Variants in ARHGEF10L observed in about 807,000 individuals in gnomAD.
ARHGEF10L encodes the protein Rho guanine nucleotide exchange factor 10 like.
A neutral mutation model predicts 141.2 loss-of-function variants in ARHGEF10L; 69 were observed. The observed-to-expected ratio is 0.49, with a 90% CI of 0.40 to 0.60. ARHGEF10L has a LOEUF of 0.60. Among genes scored for constraint, ARHGEF10L ranks in the 20% least tolerant of loss-of-function variants. The pLI is 0.00. For synonymous variants in ARHGEF10L, 711 were observed against 718.5 expected (o/e 0.99, Z 0.17); for missense variants, 1,482 against 1,734.3 (o/e 0.85, Z 2.58).
intron 1 of ARHGEF10L, among the ~76,000 whole-genome samples, chr1:17,542,419 A>G (rs927458703): frequency 1.7e-4 from 26 of 152,220 alleles, no homozygotes; most frequent in African/African-American, 6.3e-4. Context: ...ACCGTACTAC[A>G]GCTTAAGTGA....
In ARHGEF10L at chr1:17,576,559, T is replaced by G. The variant is rs77681099; in HGVS notation, c.-43-3994T>G. On this transcript the variant is annotated intron_variant, in intron 1 of 28. Coordinates refer to ENST00000361221, the MANE Select transcript of ARHGEF10L (RefSeq NM_018125.4). ...TGTTCCTTGGGTTTGGTGGTCATTG[T>G]TAAAAAGGTGACCTCCAAGAGAAAA... Among the ~76,000 whole-genome samples, 968 of 152,186 alleles carry G rather than the reference T, an allele frequency of 6.4e-3. 9 individuals are homozygous for G. Among genetic ancestry groups the G allele is most frequent in the African/African-American group, 0.022 (932 of 41,518 alleles).
In ARHGEF10L at chr1:17,655,908, C is replaced by G. The variant is rs766606377; in HGVS notation, c.2511C>G (p.Gly837=). The change falls in exon 24 of 29, where the codon GGC becomes GGG. Residue 837 remains glycine, a synonymous_variant. Transcript: ENST00000361221. ...WVGGGQEGAG[G]QVEIFSLNRP... is the part of the protein sequence containing the mutation. ...GGGGCGGACAGGAAGGCGCAGGGGG[C>G]CAGGTGGAAATCTTTTCCTTGAACC... The G allele has an allele frequency of 5.8e-6, 9 of 1,555,658 alleles. No homozygotes were observed. In the East Asian group the frequency reaches 2.1e-4, roughly 37 times the overall value.
chr1:17,634,698 C>G, intron 17 of ARHGEF10L, 136 bp downstream of exon 17: 1 of 1,462,480 alleles, frequency 6.8e-7, no homozygotes, highest in Non-Finnish European at 9.2e-7. Context: ...CTCTGCCTGG[C>G]TTGGTTTTGG....
chr1:17,622,339 G>A (rs1028629418), intron 11 of ARHGEF10L, among the ~76,000 whole-genome samples: 1 of 152,150 alleles, frequency 6.6e-6, no homozygotes, highest in Non-Finnish European at 1.5e-5. Context: ...ATCGAGAGGA[G>A]TAGGATCGAG....
Position 17,627,951 on chromosome 1 carries a change from T to C in ARHGEF10L, c.1584+448T>C, listed in dbSNP as rs1011756338. On this transcript the variant is annotated intron_variant, in intron 15 of 28. Coordinates refer to ENST00000361221, the MANE Select transcript of ARHGEF10L (RefSeq NM_018125.4). The surrounding 1 kb of genome is among the most constrained non-coding windows in gnomAD (Gnocchi z 4.0). ...GCCGCAAAAGAGGGAGCTGGCAAAGTGGCTTCGTGATTGTCCTTAACACAA... is the reference window on the plus strand; with the variant it reads ...GCCGCAAAAGAGGGAGCTGGCAAAGCGGCTTCGTGATTGTCCTTAACACAA... 1.3e-5 allele frequency among the ~76,000 whole-genome samples: 2 copies of C among 151,832 alleles called. No individual in the cohort carries two copies. Among genetic ancestry groups the C allele is most frequent in the Non-Finnish European group, 2.9e-5 (2 of 67,978 alleles).
At chr1:17,683,555 A>G (rs2064318406) in intron 26 of ARHGEF10L, among the ~76,000 whole-genome samples, 4 of 152,196 alleles carry the variant, frequency 2.6e-5, no homozygotes, top group Admixed American at 2.6e-4. Flanking sequence ...AGGCTCAGGC[A>G]GGACTCCAGG....
At chr1:17,618,283 C>A in intron 9 of ARHGEF10L, 1 of 1,444,656 alleles carries the variant, frequency 6.9e-7, no homozygotes, top group South Asian at 1.4e-5. Context: ...AAGCCCAGCG[C>A]CTTCCTGAAG....
chr1:17,685,037 C>G (rs1414466875), intron 26 of ARHGEF10L, among the ~76,000 whole-genome samples: 1 of 152,212 alleles, frequency 6.6e-6, no homozygotes, highest in Admixed American at 6.5e-5. Context: ...CCGCCCCTCA[C>G]AAGCTTCCTT....
intron 1 of ARHGEF10L, among the ~76,000 whole-genome samples, chr1:17,547,624 A>T (rs1355695008): frequency 2.6e-5 from 4 of 152,216 alleles, no homozygotes; most frequent in African/African-American, 7.2e-5. Flanking sequence ...TAAGTAGGAA[A>T]ATAACAGTCT....
chr1:17,602,911 G>A (rs1034740451), intron 5 of ARHGEF10L, among the ~76,000 whole-genome samples: 3 of 152,076 alleles, frequency 2.0e-5, no homozygotes, highest in Non-Finnish European at 2.9e-5. Context: ...TTGTAGGACA[G>A]GAAGTCTGAG....
intron 1 of ARHGEF10L, among the ~76,000 whole-genome samples, chr1:17,545,251 C>A (rs1346552275): frequency 6.6e-6 from 1 of 152,164 alleles, no homozygotes; most frequent in Admixed American, 6.6e-5. Context: ...AGAATCTTTT[C>A]CCCTGAAGAG....
At chr1:17,559,031 G>GT (rs1268364784) in intron 1 of ARHGEF10L, among the ~76,000 whole-genome samples, 1 of 152,202 alleles carries the variant, frequency 6.6e-6, no homozygotes, top group African/African-American at 2.4e-5. Context: ...CAGTTGGGGT[G>GT]TGGGGGGAGC....
At chr1:17,678,621 G>A (rs542567777) in intron 26 of ARHGEF10L, among the ~76,000 whole-genome samples, 19 of 152,204 alleles carry the variant, frequency 1.2e-4, no homozygotes, top group African/African-American at 3.4e-4. Context: ...GTTTCACCAC[G>A]TTGGCCAGGC....
At position 17,695,234 on chromosome 1, in the gene ARHGEF10L, C is replaced by A. The variant is rs373140734; in HGVS notation, c.3261C>A (p.Ile1087=). ...LLWVGTDQGV[I]VLLPVPRLEG... is the part of the protein sequence containing the mutation. ...GGGTGGGCACTGACCAGGGTGTCATCGTCCTGCTGCCCGTGCCTCGGCTGG... is the reference window on the plus strand; with the variant it reads ...GGGTGGGCACTGACCAGGGTGTCATAGTCCTGCTGCCCGTGCCTCGGCTGG... The change falls in exon 28 of 29, where the codon ATC becomes ATA. Residue 1087 remains isoleucine (I), a synonymous_variant. Coordinates refer to ENST00000361221, the MANE Select transcript of ARHGEF10L (RefSeq NM_018125.4). The A allele has an allele frequency of 6.2e-7, 1 of 1,606,932 alleles. No individual in the cohort carries two copies. The highest frequency in any genetic ancestry group is 1.1e-5 in the South Asian group (1 of 89,894).
At position 17,694,864 on chromosome 1, in the gene ARHGEF10L, G is replaced by A. The variant is rs1210965697; in HGVS notation, c.3185-294G>A. ...GACCTGGCCGCCGTGTATTGAGAGC[G>A]CACACAGACCAGGCGCTGTGCCTGT... On this transcript the variant is annotated intron_variant, in intron 27 of 28. Coordinates refer to ENST00000361221, the MANE Select transcript of ARHGEF10L (RefSeq NM_018125.4). The A allele has an allele frequency of 1.7e-5, 10 of 578,808 alleles. No individual in the cohort carries two copies. In the African/African-American group the frequency reaches 1.8e-4, roughly 11 times the overall value. The allele number at this position is 578,808 out of a possible 1,614,324, so 35.9% of individuals were successfully genotyped here. A position where few individuals can be genotyped will look rare whatever the true frequency, so the allele number is the denominator to read the frequency against.
chr1:17,589,829 G>A (rs2079379634), intron 4 of ARHGEF10L, among the ~76,000 whole-genome samples: 1 of 152,176 alleles, frequency 6.6e-6, no homozygotes, highest in African/African-American at 2.4e-5. Context: ...AGATGCAGAT[G>A]CGTCAGAGTG....
chr1:17,667,717 T>C (rs1226388278), intron 26 of ARHGEF10L, among the ~76,000 whole-genome samples: 1 of 152,186 alleles, frequency 6.6e-6, no homozygotes, highest in African/African-American at 2.4e-5. Context: ...TGCCGGCTGC[T>C]GGCAGGGGAG....
At chr1:17,694,575 C>T (rs1040687729) in intron 27 of ARHGEF10L, 6 of 227,390 alleles carry the variant, frequency 2.6e-5, no homozygotes, top group Admixed American at 5.3e-5. Flanking sequence ...TTCCCACCAG[C>T]GAGTTTTGTG....
chr1:17,672,380 G>A (rs1343946140), intron 26 of ARHGEF10L, among the ~76,000 whole-genome samples: 1 of 152,132 alleles, frequency 6.6e-6, no homozygotes, highest in Non-Finnish European at 1.5e-5. Context: ...TTGCAAAAGA[G>A]AAATTCAGGC....
Sources: gnomAD v4.1 joint callset for allele counts (sites outside exome capture counted in the v4.1 genomes callset) on GRCh38, gnomAD v4.1.1 for gene constraint, Gnocchi (gnomAD v3.1) non-coding constraint, MANE v1.5 for transcripts, NCBI Gene and HGNC (gene_info 2026-07-23, HGNC 2026-07-21) for gene names.